ANKRD12: variants seen among roughly 807,000 people sequenced by gnomAD.
The protein encoded by ANKRD12 is ankyrin repeat domain 12.
ANKRD12 carries 85 observed loss-of-function variants against 183.4 expected under a neutral mutation model. The observed-to-expected ratio is 0.46, with a 90% CI of 0.39 to 0.56. The LOEUF is 0.56. Among genes scored for constraint, ANKRD12 ranks in the 20% least tolerant of loss-of-function variants. The probability of loss-of-function intolerance (pLI) is 0.00; values close to 1 mark genes in which losing one functional copy is unlikely to be tolerated. For synonymous variants in ANKRD12, 914 were observed against 800.2 expected, an observed-to-expected ratio of 1.14 and a Z score of -2.40; for missense variants, 2,405 against 2,357.1, an observed-to-expected ratio of 1.02 and a Z score of -0.42.
intron 10 of ANKRD12, among the ~76,000 whole-genome samples, chr18:9,268,884 G>A (rs544643439): frequency 2.0e-5 from 3 of 152,318 alleles, no homozygotes; most frequent in South Asian, 4.2e-4. Flanking sequence ...CATCGTCTCA[G>A]CCCCAAATCT....
At chr18:9,276,997 T>C (rs1212089203) in intron 11 of ANKRD12, among the ~76,000 whole-genome samples, 1 of 152,208 alleles carries the variant, frequency 6.6e-6, no homozygotes, top group Non-Finnish European at 1.5e-5. Context: ...TTTTTAAGTT[T>C]TGAGCAATCA....
chr18:9,254,180 C>T (rs750865967), intron 8 of ANKRD12, 31 bp from the exon 9 acceptor site: 1 of 1,459,070 alleles, frequency 6.9e-7, no homozygotes, highest in Non-Finnish European at 9.0e-7. Context: ...TTTTGTTTGA[C>T]CCACACCACA....
At chr18:9,223,903 C>A (rs2036564951) in intron 8 of ANKRD12, among the ~76,000 whole-genome samples, 1 of 152,212 alleles carries the variant, frequency 6.6e-6, no homozygotes, top group South Asian at 2.1e-4. Context: ...TCATAGTTAT[C>A]TTCATTAAAC....
intron 1 of ANKRD12, among the ~76,000 whole-genome samples, chr18:9,181,050 T>C (rs1278370813): frequency 1.3e-5 from 2 of 152,200 alleles, no homozygotes; most frequent in African/African-American, 2.4e-5. Flanking sequence ...GTTTAAATTA[T>C]TGTTTATACG....
At chr18:9,175,318 A>G (rs1235844897) in intron 1 of ANKRD12, among the ~76,000 whole-genome samples, 1 of 152,002 alleles carries the variant, frequency 6.6e-6, no homozygotes, top group Admixed American at 6.6e-5. Flanking sequence ...TCTGTTCCCC[A>G]TAGTCCTCTA....
intron 10 of ANKRD12, among the ~76,000 whole-genome samples, chr18:9,272,178 G>A (rs1422009740): frequency 1.3e-5 from 2 of 152,152 alleles, no homozygotes; most frequent in African/African-American, 4.8e-5. Flanking sequence ...AATGCTGATC[G>A]AAAGTGTACT....
intron 1 of ANKRD12, among the ~76,000 whole-genome samples, chr18:9,140,145 C>A (rs1013881500): frequency 1.2e-4 from 18 of 152,138 alleles, no homozygotes; most frequent in African/African-American, 4.1e-4. Flanking sequence ...TCTTAACCTG[C>A]AAAAGTAATT....
chr18:9,203,486 T>C (rs2035295206), intron 3 of ANKRD12, among the ~76,000 whole-genome samples: 1 of 152,214 alleles, frequency 6.6e-6, no homozygotes, highest in South Asian at 2.1e-4. Flanking sequence ...AATATATTTA[T>C]AAGTAAAAAT....
In ANKRD12 at chr18:9,169,810, A is replaced by G. The variant is rs536641261; in HGVS notation, c.-51-12572A>G. ...TTGATGCAGTTTCTTCCTAGCATTG[A>G]TGGTCTTTACAATTTGGCATGTTTT... is the stretch of plus-strand genomic sequence containing the variant. On this transcript the variant is annotated intron_variant, in intron 1 of 12. Coordinates refer to ENST00000262126, the MANE Select transcript of ANKRD12 (RefSeq NM_015208.5). 1.6e-3 allele frequency among the ~76,000 whole-genome samples: 236 copies of G among 152,256 alleles called. 1 individual carries two copies. The highest frequency in any genetic ancestry group is 9.7e-3 in the South Asian group (47 of 4,822).
intron 8 of ANKRD12, among the ~76,000 whole-genome samples, chr18:9,241,302 T>C (rs1186102390): frequency 6.6e-6 from 1 of 152,198 alleles, no homozygotes; most frequent in African/African-American, 2.4e-5. Context: ...AGTATACCTA[T>C]AATAAAAGAT....
intron 8 of ANKRD12, among the ~76,000 whole-genome samples, chr18:9,243,457 G>A (rs2037772432): frequency 6.6e-6 from 1 of 152,172 alleles, no homozygotes; most frequent in South Asian, 2.1e-4. Flanking sequence ...GTGAATGACA[G>A]ATAAGAAGGG....
chr18:9,251,082 A>G (rs1012589917), intron 8 of ANKRD12, among the ~76,000 whole-genome samples: 7 of 152,202 alleles, frequency 4.6e-5, no homozygotes, highest in Non-Finnish European at 7.3e-5. Context: ...CTAAAAATAT[A>G]TATTTAGTAC....
intron 9 of ANKRD12, among the ~76,000 whole-genome samples, chr18:9,260,632 A>C (rs1247644666): frequency 6.6e-6 from 1 of 152,190 alleles, no homozygotes; most frequent in Non-Finnish European, 1.5e-5. Context: ...ATCCATGAGA[A>C]GCTGTCAGGG....
At chr18:9,267,180 G>A (rs533553069) in intron 10 of ANKRD12, among the ~76,000 whole-genome samples, 2 of 151,862 alleles carry the variant, frequency 1.3e-5, no homozygotes, top group Admixed American at 6.6e-5. Flanking sequence ...AATGGGAGAC[G>A]TTAACACCCC....
intron 8 of ANKRD12, among the ~76,000 whole-genome samples, chr18:9,245,224 C>G: frequency 6.6e-6 from 1 of 150,762 alleles, no homozygotes; most frequent in East Asian, 1.9e-4. Context: ...CCAAAGCAGG[C>G]AGATTACTTG....
intron 8 of ANKRD12, among the ~76,000 whole-genome samples, chr18:9,238,423 T>G (rs1217375852): frequency 6.6e-6 from 1 of 152,224 alleles, no homozygotes; most frequent in Non-Finnish European, 1.5e-5. Context: ...TCTGAATATT[T>G]CCACCTGGAT....
intron 2 of ANKRD12, among the ~76,000 whole-genome samples, chr18:9,192,061 A>G (rs973666478): frequency 1.3e-5 from 2 of 152,140 alleles, no homozygotes; most frequent in African/African-American, 2.4e-5. Context: ...CTGGAGTGGC[A>G]TGATGTGGCA....
chr18:9,281,708 G>A lies in ANKRD12; in HGVS notation c.*582G>A, dbSNP rs2040111903. ...ATGGTCAAACTGTATAAAGGGATTG[G>A]TAGTCAAAACATGTACAAAGAAATA... On this transcript the variant is annotated 3_prime_UTR_variant, in exon 13 of 13. Coordinates refer to ENST00000262126, the MANE Select transcript of ANKRD12 (RefSeq NM_015208.5). The A allele has an allele frequency of 6.6e-6, 1 of 152,630 alleles. No individual in the cohort carries two copies. Among genetic ancestry groups the A allele is most frequent in the African/African-American group, 2.4e-5 (1 of 41,448 alleles). The allele number at this position is 152,630 out of a possible 1,614,324, so 9.5% of individuals were successfully genotyped here. A position where few individuals can be genotyped will look rare whatever the true frequency, so the allele number is the denominator to read the frequency against.
At chr18:9,267,844 G>T (rs1461965510) in intron 10 of ANKRD12, among the ~76,000 whole-genome samples, 1 of 148,968 alleles carries the variant, frequency 6.7e-6, no homozygotes, top group African/African-American at 2.5e-5. Flanking sequence ...CTGGTTTTTT[G>T]AAAAGATCAA....
Sources: allele counts gnomAD v4.1 joint callset (sites outside exome capture counted in the v4.1 genomes callset), GRCh38; gene constraint gnomAD v4.1.1; transcripts MANE v1.5; gene names NCBI Gene and HGNC (gene_info 2026-07-23, HGNC 2026-07-21).